Variants in BBX observed in about 807,000 individuals in gnomAD.
BBX encodes HMG box transcription factor BBX.
BBX carries 30 observed loss-of-function variants against 100.2 expected under a neutral mutation model. The ratio of observed to expected loss-of-function variants is 0.30; its 90% confidence interval spans 0.22 to 0.41. The LOEUF (loss-of-function observed/expected upper bound fraction) is 0.41, where lower values mean the gene tolerates loss of function less well. Ranked by LOEUF, BBX falls within the 10% of genes least tolerant of loss-of-function variation. The pLI is 1.00. For synonymous variants in BBX, 376 were observed against 388.1 expected (o/e 0.97, Z 0.37); for missense variants, 1,023 against 1,129.8 (o/e 0.91, Z 1.35).
chr3:107,543,000 C>T (rs1188423855), intron 2 of BBX, among the ~76,000 whole-genome samples: 1 of 152,060 alleles, frequency 6.6e-6, no homozygotes, highest in Non-Finnish European at 1.5e-5. Flanking sequence ...TCCTCAGTAG[C>T]TTATTTCTTG....
At chr3:107,740,967 A>T (rs929671046) in intron 7 of BBX, among the ~76,000 whole-genome samples, 40 of 148,722 alleles carry the variant, frequency 2.7e-4, no homozygotes, top group Non-Finnish European at 5.8e-4. Context: ...TCCCTAACAC[A>T]TACTAGATAC....
chr3:107,624,656 G>T (rs1455132170), intron 2 of BBX, among the ~76,000 whole-genome samples: 1 of 152,080 alleles, frequency 6.6e-6, no homozygotes, highest in Non-Finnish European at 1.5e-5. Flanking sequence ...ATCACCTGAG[G>T]TCAGGAGTTT....
intron 9 of BBX, 137 bp from the exon 10 acceptor site, chr3:107,755,461 G>A (rs2065398743): frequency 1.5e-6 from 1 of 666,844 alleles, no homozygotes; most frequent in Middle Eastern, 4.0e-4. Flanking sequence ...CATCCCAAAT[G>A]TGACATGTTT....
At chr3:107,615,862 C>G (rs543919953) in intron 2 of BBX, among the ~76,000 whole-genome samples, 4 of 152,108 alleles carry the variant, frequency 2.6e-5, no homozygotes, top group African/African-American at 9.6e-5. Flanking sequence ...TTAACTGAAG[C>G]CTTTCAGAAT....
At chr3:107,620,367 T>C (rs992739967) in intron 2 of BBX, among the ~76,000 whole-genome samples, 3 of 152,258 alleles carry the variant, frequency 2.0e-5, no homozygotes, top group Admixed American at 2.0e-4. Flanking sequence ...CTAACAACAC[T>C]TTCATCTTTG....
chr3:107,714,627 T>C (rs1212148191), intron 4 of BBX, among the ~76,000 whole-genome samples: 1 of 152,178 alleles, frequency 6.6e-6, no homozygotes, highest in Non-Finnish European at 1.5e-5. Flanking sequence ...ATTGTTACCA[T>C]TATATACATA....
At chr3:107,564,163 G>A (rs1030667415) in intron 2 of BBX, among the ~76,000 whole-genome samples, 6 of 151,760 alleles carry the variant, frequency 4.0e-5, no homozygotes, top group Non-Finnish European at 5.9e-5. Context: ...ATTGGCCAGT[G>A]TTTTTCCCCC....
chr3:107,618,922 G>A (rs918465978), intron 2 of BBX, among the ~76,000 whole-genome samples: 1 of 152,088 alleles, frequency 6.6e-6, no homozygotes, highest in African/African-American at 2.4e-5. Context: ...GTAGGTTGAT[G>A]ATGTTGAGTT....
At chr3:107,535,631 CG>C (rs2048441840) in intron 2 of BBX, among the ~76,000 whole-genome samples, 1 of 145,144 alleles carries the variant, frequency 6.9e-6, no homozygotes, top group African/African-American at 2.6e-5. Flanking sequence ...CTCACTCTGT[CG>C]CCTAGGCTGG....
chr3:107,608,589 A>G (rs1167038565), intron 2 of BBX, among the ~76,000 whole-genome samples: 1 of 151,930 alleles, frequency 6.6e-6, no homozygotes, highest in Non-Finnish European at 1.5e-5. Flanking sequence ...TTTTTTTTCT[A>G]TTTCTGTGAA....
intron 1 of BBX, 149 bp downstream of exon 1, chr3:107,523,256 G>A (rs2047493218): frequency 1.4e-5 from 3 of 218,014 alleles, no homozygotes; most frequent in Non-Finnish European, 2.8e-5. Flanking sequence ...GCAGCCGGTA[G>A]GGTGGACTTG....
chr3:107,805,727 A>G lies in BBX; in HGVS notation c.*270A>G, dbSNP rs571365017. On this transcript the variant is annotated 3_prime_UTR_variant, in exon 18 of 18. Coordinates refer to ENST00000325805, the MANE Select transcript of BBX (RefSeq NM_001142568.3). ...CTTTGCTTTCTATTGAAGGCTTTTG[A>G]CGGTAATAGGTGGTAACTTGGTAAA... The G allele has an allele frequency of 1.6e-5, 8 of 499,434 alleles. No homozygotes were observed. The South Asian group carries it at 4.7e-4, about 29-fold the overall frequency. 30.9% of individuals were successfully genotyped at this position (499,434 alleles called of 1,614,324 possible).
rs547374668 is a variant in BBX, at chr3:107,685,203, G to C, written c.-9-25249G>C. ...TCAAGAAACAAGTTTTAAGAGAATAGGAAGCCCATCTGATAGGAGACAGTA... is the reference window on the plus strand; with the variant it reads ...TCAAGAAACAAGTTTTAAGAGAATACGAAGCCCATCTGATAGGAGACAGTA... On this transcript the variant is annotated intron_variant, in intron 3 of 17. Coordinates refer to ENST00000325805, the MANE Select transcript of BBX (RefSeq NM_001142568.3). Among the ~76,000 whole-genome samples, 3 of 152,270 alleles carry C rather than the reference G, an allele frequency of 2.0e-5. No individual in the cohort carries two copies. The South Asian group carries it at 6.2e-4, about 32-fold the overall frequency.
intron 4 of BBX, among the ~76,000 whole-genome samples, chr3:107,715,903 C>G (rs1209858671): frequency 1.3e-5 from 2 of 152,190 alleles, no homozygotes; most frequent in Non-Finnish European, 2.9e-5. Context: ...GGAGTTTATT[C>G]CTATCACCAG....
chr3:107,614,923 G>A (rs2055138873), intron 2 of BBX, among the ~76,000 whole-genome samples: 1 of 152,148 alleles, frequency 6.6e-6, no homozygotes, highest in Non-Finnish European at 1.5e-5. Context: ...AGAAATGAAT[G>A]TGAAGAGTGG....
In BBX at chr3:107,523,005, C is replaced by A. The variant is rs992325806; in HGVS notation, c.-258C>A. The A allele has an allele frequency of 1.3e-5, 2 of 153,116 alleles. No homozygotes were observed. Among genetic ancestry groups the A allele is most frequent in the Non-Finnish European group, 2.9e-5 (2 of 68,558 alleles). 9.5% of individuals were successfully genotyped at this position (153,116 alleles called of 1,614,324 possible). On this transcript the variant is annotated 5_prime_UTR_variant, in exon 1 of 18. Transcript: ENST00000325805. ...GGAGCAGTGTACAGTGAAGCGGAGG[C>A]AGAGCGGCTCCGCGAGCTTCTCTCC...
At chr3:107,799,090 C>G (rs747957465) in intron 16 of BBX, among the ~76,000 whole-genome samples, 2 of 151,224 alleles carry the variant, frequency 1.3e-5, no homozygotes, top group Non-Finnish European at 2.9e-5. Context: ...TCGGAGGTTG[C>G]AGTGAGCCGA....
intron 13 of BBX, among the ~76,000 whole-genome samples, chr3:107,780,437 T>C (rs559337235): frequency 5.2e-4 from 79 of 152,200 alleles, no homozygotes; most frequent in African/African-American, 1.9e-3. Flanking sequence ...TAGTTGTCTG[T>C]ACGATTTTTC....
At chr3:107,760,065 T>A (rs1001431995) in intron 10 of BBX, among the ~76,000 whole-genome samples, 1 of 152,228 alleles carries the variant, frequency 6.6e-6, no homozygotes, top group Non-Finnish European at 1.5e-5. Context: ...ACTATCATTC[T>A]TCTTTTACAC....
Sources: allele counts gnomAD v4.1 joint callset (sites outside exome capture counted in the v4.1 genomes callset), GRCh38; gene constraint gnomAD v4.1.1; transcripts MANE v1.5; gene names NCBI Gene and HGNC (gene_info 2026-07-23, HGNC 2026-07-21).